FLT1: variants seen among roughly 807,000 people sequenced by gnomAD.
The protein encoded by FLT1 is vascular endothelial growth factor receptor 1.
FLT1 carries 49 observed loss-of-function variants against 156.3 expected under a neutral mutation model. The observed-to-expected ratio is 0.31, with a 90% CI of 0.25 to 0.40. The LOEUF is 0.40. Ranked by LOEUF, FLT1 falls within the 10% of genes least tolerant of loss-of-function variation. The pLI is 1.00. For missense variants in FLT1, 1,322 were observed against 1,637.2 expected (o/e 0.81, Z 3.32); for synonymous variants, 594 against 583.8 (o/e 1.02, Z -0.25).
At position 28,302,428 on chromosome 13, in the gene FLT1, C is replaced by G. The variant is rs1593661915; in HGVS notation, c.*739G>C. On this transcript the variant is annotated 3_prime_UTR_variant, in exon 30 of 30. Coordinates refer to ENST00000282397, the MANE Select transcript of FLT1 (RefSeq NM_002019.4). ...AATGAGAATGGACATAGAACCACTT[C>G]CATAGGTAAAGTTCTAAAATTTGCT... The G allele has an allele frequency of 4.3e-6, 1 of 233,124 alleles. No individual in the cohort carries two copies. The highest frequency in any genetic ancestry group is 8.5e-6 in the Non-Finnish European group (1 of 118,056). 14.4% of individuals were successfully genotyped at this position (233,124 alleles called of 1,614,324 possible). A position where few individuals can be genotyped will look rare whatever the true frequency, so the allele number is the denominator to read the frequency against.
chr13:28,389,469 C>T (rs1874565794), intron 13 of FLT1: 1 of 1,336,820 alleles, frequency 7.5e-7, no homozygotes, highest in African/African-American at 1.5e-5. Flanking sequence ...GCAACAAACA[C>T]AGAGAAGGCA....
chr13:28,390,213 A>T, intron 12 of FLT1, 109 bp from the exon 13 acceptor site: 2 of 1,424,814 alleles, frequency 1.4e-6, no homozygotes, highest in Non-Finnish European at 1.9e-6. Context: ...CAGTATCCAC[A>T]TTAAAAAGGA....
chr13:28,393,683 C>T (rs1874871150), intron 12 of FLT1, among the ~76,000 whole-genome samples: 1 of 152,260 alleles, frequency 6.6e-6, no homozygotes, highest in Admixed American at 6.5e-5. Flanking sequence ...ACCTCCTGGG[C>T]TCAAGTGATC....
At chr13:28,343,299 T>C (rs1467125761) in intron 16 of FLT1, among the ~76,000 whole-genome samples, 1 of 150,850 alleles carries the variant, frequency 6.6e-6, no homozygotes, top group Non-Finnish European at 1.5e-5. Flanking sequence ...ATAATTTCTT[T>C]CTTTTCTTTT....
intron 10 of FLT1, among the ~76,000 whole-genome samples, chr13:28,412,508 G>A (rs563881306): frequency 2.0e-5 from 3 of 150,440 alleles, no homozygotes; most frequent in Non-Finnish European, 4.4e-5. Flanking sequence ...TGCAACCTCC[G>A]CCTCCCAGGT....
Position 28,439,083 on chromosome 13 carries a change from C to T in FLT1, c.389-738G>A, listed in dbSNP as rs1302284956. Among the ~76,000 whole-genome samples, 3 of 152,186 alleles carry T rather than the reference C, an allele frequency of 2.0e-5. No homozygotes were observed. The highest frequency in any genetic ancestry group is 2.9e-5 in the Non-Finnish European group (2 of 68,030). On this transcript the variant is annotated intron_variant, in intron 3 of 29. Transcript: ENST00000282397. This position sits in a 1 kb window ranked among gnomAD's most constrained non-coding sequence, Gnocchi z 4.1. Reference sequence around the variant, plus strand: ...TAAGCACCAATACTTCCTTAAAAAGCGTGGCATTTGGCCAGTCTCAGAGGC... The same window carrying T: ...TAAGCACCAATACTTCCTTAAAAAGTGTGGCATTTGGCCAGTCTCAGAGGC...
intron 25 of FLT1, among the ~76,000 whole-genome samples, chr13:28,314,374 C>A (rs1871121187): frequency 6.6e-6 from 1 of 151,934 alleles, no homozygotes; most frequent in Non-Finnish European, 1.5e-5. Context: ...CAATGCAAAT[C>A]ATCTCAGCAA....
chr13:28,395,227 T>C (rs1330409520), intron 12 of FLT1, among the ~76,000 whole-genome samples: 1 of 152,210 alleles, frequency 6.6e-6, no homozygotes, highest in African/African-American at 2.4e-5. Context: ...TGTCAGTAGT[T>C]AGACGTATGG....
At chr13:28,459,185 A>T (rs1438035370) in intron 3 of FLT1, among the ~76,000 whole-genome samples, 1 of 152,166 alleles carries the variant, frequency 6.6e-6, no homozygotes, top group Non-Finnish European at 1.5e-5. Flanking sequence ...GTTTCCAGAC[A>T]TGTCATCCAG....
At chr13:28,412,368 CT>C (rs1218478620) in intron 10 of FLT1, among the ~76,000 whole-genome samples, 1 of 72,872 alleles carries the variant, frequency 1.4e-5, no homozygotes. Context: ...TTCTTTCTTT[CT>C]TTCTTTCTTT....
At chr13:28,382,087 T>C (rs1444372209) in intron 14 of FLT1, among the ~76,000 whole-genome samples, 2 of 152,098 alleles carry the variant, frequency 1.3e-5, no homozygotes, top group African/African-American at 2.4e-5. Flanking sequence ...GAAATATGCA[T>C]AGGTAATACT....
At chr13:28,374,425 CA>C (rs1309598590) in intron 14 of FLT1, among the ~76,000 whole-genome samples, 4 of 149,312 alleles carry the variant, frequency 2.7e-5, no homozygotes, top group Non-Finnish European at 5.9e-5. Context: ...AAAAAACAAA[CA>C]AAAAACAAAA....
chr13:28,474,306 A>C (rs1371516346), intron 1 of FLT1, among the ~76,000 whole-genome samples: 8 of 152,088 alleles, frequency 5.3e-5, no homozygotes, highest in East Asian at 3.9e-4. Flanking sequence ...AAATACAAAA[A>C]TTAGCCAGGT....
rs144564926 is a variant in FLT1 at position 28,397,273 on chromosome 13, C to T, written c.1552-205G>A. 9.6e-4 allele frequency among the ~76,000 whole-genome samples: 146 copies of T among 152,218 alleles called. 1 individual carries two copies. The highest frequency in any genetic ancestry group is 1.6e-3 in the Non-Finnish European group (106 of 67,982). On this transcript the variant is annotated intron_variant, in intron 11 of 29. Transcript: ENST00000282397. ...ACAGGAAAGCAGGTCCTCAGGAGAC[C>T]GGGGCCTATGACATCCGACTCATAT...
In FLT1 at chr13:28,471,864, T is replaced by C. The variant is rs541791091; in HGVS notation, c.65-4247A>G. On this transcript the variant is annotated intron_variant, in intron 1 of 29. Coordinates refer to ENST00000282397, the MANE Select transcript of FLT1 (RefSeq NM_002019.4). ...AATATAATCATAAGAGGCATACAGATCTCCTTACATCACGAAAACATTTAA... is the reference window on the plus strand; with the variant it reads ...AATATAATCATAAGAGGCATACAGACCTCCTTACATCACGAAAACATTTAA... Among the ~76,000 whole-genome samples the C allele has an allele frequency of 2.8e-3, 432 of 152,218 alleles. 1 individual carries two copies. The highest frequency in any genetic ancestry group is 9.9e-3 in the African/African-American group (412 of 41,540).
intron 3 of FLT1, among the ~76,000 whole-genome samples, chr13:28,442,650 A>C (rs545048115): frequency 6.6e-6 from 1 of 152,012 alleles, no homozygotes; most frequent in African/African-American, 2.4e-5. Flanking sequence ...GTGACAGTCA[A>C]AAGTGGCATT....
chr13:28,367,950 G>A (rs1223201028), intron 14 of FLT1: 2 of 155,648 alleles, frequency 1.3e-5, no homozygotes, highest in Non-Finnish European at 2.8e-5. Context: ...ATTTTTATCT[G>A]ATGTTATTTT....
intron 3 of FLT1, among the ~76,000 whole-genome samples, chr13:28,449,040 G>A (rs937150416): frequency 6.6e-6 from 1 of 152,168 alleles, no homozygotes; most frequent in African/African-American, 2.4e-5. Flanking sequence ...CAGCACTTTG[G>A]GAGCCCAAGA....
chr13:28,345,805 G>C (rs1240198014), intron 15 of FLT1: 4 of 391,766 alleles, frequency 1.0e-5, no homozygotes, highest in Non-Finnish European at 1.9e-5. Context: ...CAGAAATTTT[G>C]CTGTCAAGTT....
Sources: gnomAD v4.1 joint callset for allele counts (sites outside exome capture counted in the v4.1 genomes callset) on GRCh38, gnomAD v4.1.1 for gene constraint, Gnocchi (gnomAD v3.1) non-coding constraint, MANE v1.5 for transcripts, NCBI Gene and HGNC (gene_info 2026-07-23, HGNC 2026-07-21) for gene names.